The following SRPRB variants were observed in gnomAD, a reference collection of about 807,000 sequenced individuals.
SRPRB encodes SRP receptor subunit beta, also known as signal recognition particle receptor subunit beta.
In SRPRB, 20 loss-of-function variants were observed where a neutral mutation model predicts 31.9. That is an observed-to-expected ratio of 0.63 (90% CI 0.44 to 0.91). The LOEUF (loss-of-function observed/expected upper bound fraction) is 0.91. SRPRB is among the 40% of genes least tolerant of loss of function. The pLI is 0.00. For missense variants in SRPRB, 321 were observed against 324.9 expected (o/e 0.99, Z 0.09); for synonymous variants, 146 against 132.8 (o/e 1.10, Z -0.68).
intron 3 of SRPRB, among the ~76,000 whole-genome samples, chr3:133,809,823 A>C (rs1057294975): frequency 2.0e-5 from 3 of 152,132 alleles, no homozygotes; most frequent in Non-Finnish European, 4.4e-5. Context: ...AATATTTTGG[A>C]TATATTAGAT....
At chr3:133,811,254 G>A in intron 4 of SRPRB, 55 bp downstream of exon 4, 1 of 1,561,654 alleles carries the variant, frequency 6.4e-7, no homozygotes, top group Non-Finnish European at 8.8e-7. Flanking sequence ...GTATATCAAA[G>A]CCACTCATGT....
intron 1 of SRPRB, chr3:133,794,779 T>A (rs1934925950): frequency 6.6e-6 from 1 of 152,228 alleles, no homozygotes; most frequent in Non-Finnish European, 1.5e-5. Context: ...GTGAACAGCT[T>A]TTCCCAAGAT....
chr3:133,791,327 C>G, intron 1 of SRPRB: 1 of 152,122 alleles, frequency 6.6e-6, no homozygotes, highest in East Asian at 1.9e-4. Flanking sequence ...AATTCGTAAA[C>G]TATTTGTGAA....
intron 3 of SRPRB, among the ~76,000 whole-genome samples, chr3:133,809,917 T>G (rs1935228533): frequency 6.6e-6 from 1 of 152,202 alleles, no homozygotes; most frequent in Non-Finnish European, 1.5e-5. Flanking sequence ...ATATGTGGCT[T>G]CTGTTATTCT....
At position 133,814,068 on chromosome 3, in the gene SRPRB, A is replaced by G. The variant is rs145174545; in HGVS notation, c.411-1522A>G. On this transcript the variant is annotated intron_variant, in intron 4 of 6. Coordinates refer to ENST00000678299, the MANE Select transcript of SRPRB (RefSeq NM_001379313.1). ...CATTCAGTTCTAGCTCCCCAGCTGC[A>G]TGTTGGCCATTGCATGTCTCTTATC... 7.3e-5 allele frequency among the ~76,000 whole-genome samples: 11 copies of G among 151,722 alleles called. No individual in the cohort carries two copies. The East Asian group carries it at 1.7e-3, about 24-fold the overall frequency.
At chr3:133,807,699 G>A (rs1384238142) in intron 2 of SRPRB, 47 bp from the exon 3 acceptor site, 1 of 1,219,736 alleles carries the variant, frequency 8.2e-7, no homozygotes, top group African/African-American at 1.5e-5. Flanking sequence ...CTCAATTTAG[G>A]TGTGCTATTA....
chr3:133,808,508 A>G (rs575147430), intron 3 of SRPRB, among the ~76,000 whole-genome samples: 35 of 152,262 alleles, frequency 2.3e-4, no homozygotes, highest in African/African-American at 7.9e-4. Context: ...GTGTTAATAG[A>G]CATTTAGTTT....
chr3:133,806,454 C>T (rs745962062), intron 1 of SRPRB, 155 bp from the exon 2 acceptor site: 3 of 604,618 alleles, frequency 5.0e-6, no homozygotes, highest in South Asian at 2.2e-5. Flanking sequence ...TCAGTGGATC[C>T]CTAACAACAG....
At chr3:133,796,268 A>G (rs532907491) in intron 1 of SRPRB, 1 of 152,722 alleles carries the variant, frequency 6.5e-6, no homozygotes, top group Non-Finnish European at 1.5e-5. Flanking sequence ...CTCAATAGGT[A>G]GGGACTAGGC....
downstream of SRPRB, chr3:133,824,384 A>AAT (rs1553744678): frequency 6.6e-6 from 1 of 152,182 alleles, no homozygotes; most frequent in Non-Finnish European, 1.5e-5. Flanking sequence ...CCTCACAGCC[A>AAT]ATCACTTTAA....
chr3:133,815,772 T>G (rs752837163), intron 5 of SRPRB, 46 bp downstream of exon 5: 1 of 1,597,478 alleles, frequency 6.3e-7, no homozygotes, highest in African/African-American at 1.3e-5. Flanking sequence ...TTTTGGGGAT[T>G]GCTGCTACTA....
intron 4 of SRPRB, among the ~76,000 whole-genome samples, chr3:133,814,078 T>C (rs989985602): frequency 1.3e-5 from 2 of 152,192 alleles, no homozygotes; most frequent in African/African-American, 4.8e-5. Context: ...ATGTTGGCCA[T>C]TGCATGTCTC....
At chr3:133,811,314 C>A in intron 4 of SRPRB, 115 bp downstream of exon 4, 1 of 1,031,526 alleles carries the variant, frequency 9.7e-7, no homozygotes, top group Non-Finnish European at 1.4e-6. Context: ...TGTGGTAGAC[C>A]TTGAGGTGAC....
chr3:133,816,991 GC>G, intron 6 of SRPRB, 59 bp downstream of exon 6: 1 of 1,327,498 alleles, frequency 7.5e-7, no homozygotes, highest in Non-Finnish European at 1.0e-6. Context: ...ACTGTAAGCA[GC>G]ATATTCATGT....
downstream of SRPRB, chr3:133,826,933 C>A (rs1935574367): frequency 6.6e-6 from 1 of 152,576 alleles, no homozygotes; most frequent in Admixed American, 6.5e-5. Flanking sequence ...AAGTCTATCT[C>A]TATATATAAT....
chr3:133,827,632 G>A, downstream of SRPRB: 1 of 496,444 alleles, frequency 2.0e-6, no homozygotes, highest in Non-Finnish European at 3.6e-6. Flanking sequence ...ACTGCGCCAT[G>A]CCACTGGGGT....
chr3:133,805,103 C>A (rs896604647), upstream of SRPRB, among the ~76,000 whole-genome samples: 1 of 152,164 alleles, frequency 6.6e-6, no homozygotes, highest in Non-Finnish European at 1.5e-5. Context: ...TGAATAGGGT[C>A]GGCCCTACTT....
rs1386813582 is a variant in SRPRB, at chr3:133,813,248, T to C, written c.410+2049T>C. Reference sequence around the variant, plus strand: ...CATTCTTGGAATTCAGTTGTGCTATTCCAAACCAAAGATTCTCCTCAGTTT... The same window carrying C: ...CATTCTTGGAATTCAGTTGTGCTATCCCAAACCAAAGATTCTCCTCAGTTT... On this transcript the variant is annotated intron_variant, in intron 4 of 6. Coordinates refer to ENST00000678299, the MANE Select transcript of SRPRB (RefSeq NM_001379313.1). Among the ~76,000 whole-genome samples the C allele has an allele frequency of 2.0e-5, 3 of 152,346 alleles. No individual in the cohort carries two copies. In the East Asian group the frequency reaches 5.8e-4, roughly 29 times the overall value.
chr3:133,801,068 C>T (rs916440352), upstream of SRPRB, among the ~76,000 whole-genome samples: 5 of 152,068 alleles, frequency 3.3e-5, no homozygotes, highest in African/African-American at 1.2e-4. Context: ...TTTTAAAAAT[C>T]CTCTAAACGT....
Sources: allele counts gnomAD v4.1 joint callset (sites outside exome capture counted in the v4.1 genomes callset), GRCh38; gene constraint gnomAD v4.1.1; transcripts MANE v1.5; gene names NCBI Gene and HGNC (gene_info 2026-07-23, HGNC 2026-07-21).